FRS2: variants seen among roughly 807,000 people sequenced by gnomAD.
FRS2 encodes the protein fibroblast growth factor receptor substrate 2, also known as FGFR signalling adaptor.
A neutral mutation model predicts 43.9 loss-of-function variants in FRS2; 8 were observed. That is an observed-to-expected ratio of 0.18 (90% CI 0.11 to 0.33). The LOEUF is 0.33. Ranked by LOEUF, FRS2 falls within the 10% of genes least tolerant of loss-of-function variation. The pLI, the probability that FRS2 is intolerant of heterozygous loss-of-function variation, is 1.00. For synonymous variants in FRS2, 219 were observed against 220.3 expected, an observed-to-expected ratio of 0.99 and a Z score of 0.05; for missense variants, 534 against 627.6, an observed-to-expected ratio of 0.85 and a Z score of 1.59.
At chr12:69,536,753 G>A (rs1877359274) in intron 3 of FRS2, among the ~76,000 whole-genome samples, 1 of 151,598 alleles carries the variant, frequency 6.6e-6, no homozygotes, top group Non-Finnish European at 1.5e-5. Context: ...TAATTTTTTA[G>A]AGATGTTATC....
Position 69,574,518 on chromosome 12 carries a change from C to G in FRS2, c.1090C>G (p.Leu364Val), listed in dbSNP as rs1034730582. The change falls in exon 9 of 9, where the codon CTA (leucine) becomes GTA (valine). Residue 364 changes from leucine (L) to valine (V), a missense_variant. This residue lies in a region of FRS2 where 446 missense variants were observed against 494.2 expected (regional missense o/e 0.90). Coordinates refer to ENST00000549921, the MANE Select transcript of FRS2 (RefSeq NM_001278356.2). Reference protein sequence around the residue: ...SLPPVWEARKLSRDEDDNLGP... With the variant: ...SLPPVWEARKVSRDEDDNLGP... ...GCCTCCTGTTTGGGAAGCCCGCAAG[C>G]TAAGTAGGGATGAAGATGACAATTT... The G allele has an allele frequency of 6.2e-7, 1 of 1,613,918 alleles. No individual in the cohort carries two copies. The highest frequency in any genetic ancestry group is 1.3e-5 in the African/African-American group (1 of 74,890).
intron 1 of FRS2, among the ~76,000 whole-genome samples, chr12:69,498,715 C>T (rs975837469): frequency 7.9e-5 from 12 of 152,142 alleles, no homozygotes; most frequent in African/African-American, 2.9e-4. Flanking sequence ...GTGCATGCTT[C>T]AGAGAGCTGG....
chr12:69,538,517 T>A (rs1369046909), intron 3 of FRS2, among the ~76,000 whole-genome samples: 1 of 152,080 alleles, frequency 6.6e-6, no homozygotes, highest in Non-Finnish European at 1.5e-5. Context: ...TAAGCTAAAA[T>A]AAAATGATTC....
Position 69,570,399 on chromosome 12 carries a change from G to A in FRS2, c.135G>A (p.Leu45=), listed in dbSNP as rs1880650321. ...SGIMELTDTE[L]ILYTRKRDSV... ...TAATGGAACTTACAGACACAGAACT[G>A]ATTTTATACACCCGCAAACGTGACT... Residue 45 remains leucine, a synonymous_variant, in exon 6 of 9, where the codon CTG becomes CTA. Transcript: ENST00000549921. 6.2e-7 allele frequency: 1 copy of A among 1,613,438 alleles called. No homozygotes were observed. Among genetic ancestry groups the A allele is most frequent in the Non-Finnish European group, 8.5e-7 (1 of 1,179,398 alleles).
At chr12:69,501,793 C>T (rs1873467055) in intron 1 of FRS2, among the ~76,000 whole-genome samples, 2 of 152,146 alleles carry the variant, frequency 1.3e-5, no homozygotes, top group Non-Finnish European at 2.9e-5. Flanking sequence ...CCATCTTAAT[C>T]AGTTGATGTT....
chr12:69,524,857 G>A (rs1175895193), intron 1 of FRS2, among the ~76,000 whole-genome samples: 1 of 152,120 alleles, frequency 6.6e-6, no homozygotes, highest in Non-Finnish European at 1.5e-5. Context: ...GATTCCAGAG[G>A]CCCCTGGTGA....
chr12:69,557,634 G>GCGCGCGCGCT (rs760565648), intron 3 of FRS2, among the ~76,000 whole-genome samples: 1 of 147,476 alleles, frequency 6.8e-6, no homozygotes, highest in Non-Finnish European at 1.5e-5. Context: ...GCGCGCGCGC[G>GCGCGCGCGCT]CGCAGGTGCA....
intron 1 of FRS2, among the ~76,000 whole-genome samples, chr12:69,522,650 T>A (rs1875801837): frequency 6.6e-6 from 1 of 152,194 alleles, no homozygotes; most frequent in East Asian, 1.9e-4. Flanking sequence ...GGAGTTAGCT[T>A]GCTCTTTCTT....
chr12:69,574,980 C>T lies in FRS2; in HGVS notation c.*25C>T, dbSNP rs1423592501. On this transcript the variant is annotated 3_prime_UTR_variant, in exon 9 of 9. Transcript: ENST00000549921. ...AGCCTGGAAAGCATTGTGTTGTTTGCACCTTTGTGAAGTTTTTAAAAATGA... is the reference window on the plus strand; with the variant it reads ...AGCCTGGAAAGCATTGTGTTGTTTGTACCTTTGTGAAGTTTTTAAAAATGA... 6.9e-7 allele frequency: 1 copy of T among 1,458,510 alleles called. No individual in the cohort carries two copies. The highest frequency in any genetic ancestry group is 2.3e-5 in the East Asian group (1 of 43,824). 90.3% of individuals were successfully genotyped at this position (1,458,510 alleles called of 1,614,324 possible). A position where few individuals can be genotyped will look rare whatever the true frequency, so the allele number is the denominator to read the frequency against.
Position 69,538,223 on chromosome 12 carries a change from A to ATATATATATATATATATATG in FRS2, c.-122+6167_-122+6168insTATATATATATATATATATG, listed in dbSNP as rs1194377826. Among the ~76,000 whole-genome samples the ATATATATATATATATATATG allele has an allele frequency of 4.6e-4, 46 of 100,146 alleles. 1 individual carries two copies. The highest frequency in any genetic ancestry group is 1.9e-3 in the African/African-American group (44 of 22,656). The allele number at this position is 100,146 out of a possible 152,430, so 65.7% of individuals were successfully genotyped here. A position where few individuals can be genotyped will look rare whatever the true frequency, so the allele number is the denominator to read the frequency against. Reference sequence around the variant, plus strand: ...TATATATATATATATATATATATATAGCATTGCAGATTATATATATATATA... The same window carrying ATATATATATATATATATATG: ...TATATATATATATATATATATATATATATATATATATATATATATGGCATTGCAGATTATATATATATATA... On this transcript the variant is annotated intron_variant, in intron 3 of 8. Coordinates refer to ENST00000549921, the MANE Select transcript of FRS2 (RefSeq NM_001278356.2).
At chr12:69,546,137 C>T (rs568886874) in intron 3 of FRS2, among the ~76,000 whole-genome samples, 1 of 152,162 alleles carries the variant, frequency 6.6e-6, no homozygotes, top group Non-Finnish European at 1.5e-5. Context: ...CTTGAATAGA[C>T]ATTACACCAA....
chr12:69,562,366 T>C, intron 4 of FRS2, 92 bp downstream of exon 4: 1 of 393,950 alleles, frequency 2.5e-6, no homozygotes, highest in Non-Finnish European at 4.5e-6. Flanking sequence ...AGTCCTGTTA[T>C]GTTGCCCAGG....
At chr12:69,569,465 T>C (rs1880571119) in intron 5 of FRS2, among the ~76,000 whole-genome samples, 1 of 152,234 alleles carries the variant, frequency 6.6e-6, no homozygotes, top group South Asian at 2.1e-4. Context: ...CATCCTGTAG[T>C]CACCATCAAA....
rs73323721 is a variant in FRS2, at chr12:69,566,170, C to T, written c.-26-2835C>T. On this transcript the variant is annotated intron_variant, in intron 4 of 8. Coordinates refer to ENST00000549921, the MANE Select transcript of FRS2 (RefSeq NM_001278356.2). ...TGTGGCTCATGACTGTATATCCCTG[C>T]CAGCACGAGAGGTTCTACCTTAACA... is the stretch of plus-strand genomic sequence containing the variant. 1.0e-2 allele frequency among the ~76,000 whole-genome samples: 1,521 copies of T among 152,152 alleles called. 21 individuals carry two copies. Among genetic ancestry groups the T allele is most frequent in the African/African-American group, 0.035 (1,464 of 41,502 alleles).
chr12:69,503,004 G>A (rs1307778803), intron 1 of FRS2, among the ~76,000 whole-genome samples: 1 of 152,150 alleles, frequency 6.6e-6, no homozygotes, highest in African/African-American at 2.4e-5. Context: ...CAAAAATCTG[G>A]ATACATGTGG....
At chr12:69,497,025 T>C (rs1012521232) in intron 1 of FRS2, among the ~76,000 whole-genome samples, 1 of 152,194 alleles carries the variant, frequency 6.6e-6, no homozygotes, top group Admixed American at 6.5e-5. Flanking sequence ...AAACTGAAGA[T>C]AGAATGTTCT....
chr12:69,555,484 CTT>C (rs1879259053), intron 3 of FRS2, among the ~76,000 whole-genome samples: 1 of 152,110 alleles, frequency 6.6e-6, no homozygotes, highest in African/African-American at 2.4e-5. Flanking sequence ...TTCTGGTAAA[CTT>C]TTTGTTGTTG....
At chr12:69,521,031 T>C (rs1875586838) in intron 1 of FRS2, among the ~76,000 whole-genome samples, 1 of 152,236 alleles carries the variant, frequency 6.6e-6, no homozygotes, top group Non-Finnish European at 1.5e-5. Flanking sequence ...TTCCTATCCA[T>C]GAGCATGGAA....
At chr12:69,514,900 A>T (rs1327075216) in intron 1 of FRS2, among the ~76,000 whole-genome samples, 1 of 152,138 alleles carries the variant, frequency 6.6e-6, no homozygotes, top group African/African-American at 2.4e-5. Context: ...TACCTTCTGA[A>T]ATCATATGGC....
Sources: allele counts gnomAD v4.1 joint callset (sites outside exome capture counted in the v4.1 genomes callset), GRCh38; gene constraint gnomAD v4.1.1; regional missense constraint gnomAD v4.1.1; transcripts MANE v1.5; gene names NCBI Gene and HGNC (gene_info 2026-07-23, HGNC 2026-07-21).